CCSER1: variants seen among roughly 807,000 people sequenced by gnomAD.
The protein encoded by CCSER1 is coiled-coil serine rich protein 1.
In CCSER1, 41 loss-of-function variants were observed where a neutral mutation model predicts 82.0. That is an observed-to-expected ratio of 0.50 (90% CI 0.39 to 0.65). The LOEUF (loss-of-function observed/expected upper bound fraction) is 0.65. Ranked by LOEUF, CCSER1 falls within the 30% of genes least tolerant of loss-of-function variation. The pLI is 0.00. For synonymous variants in CCSER1, 414 were observed against 383.9 expected (o/e 1.08, Z -0.92); for missense variants, 1,119 against 1,064.2 (o/e 1.05, Z -0.72).
chr4:91,185,919 G>A (rs535003643), intron 10 of CCSER1, among the ~76,000 whole-genome samples: 128 of 152,232 alleles, frequency 8.4e-4, no homozygotes, highest in African/African-American at 3.1e-3. Context: ...ACCATCACAG[G>A]CCTTGATATA....
chr4:91,264,335 G>T (rs1334851827), intron 10 of CCSER1, among the ~76,000 whole-genome samples: 1 of 151,782 alleles, frequency 6.6e-6, no homozygotes, highest in Admixed American at 6.6e-5. Flanking sequence ...CATGGTTGTA[G>T]TTAGTATTAG....
At chr4:90,879,395 C>G (rs1468050236) in intron 8 of CCSER1, among the ~76,000 whole-genome samples, 1 of 151,866 alleles carries the variant, frequency 6.6e-6, no homozygotes, top group Admixed American at 6.6e-5. Flanking sequence ...TAGCCAAATT[C>G]CAAATTCTAT....
intron 10 of CCSER1, among the ~76,000 whole-genome samples, chr4:91,261,549 C>T (rs1019237846): frequency 3.3e-5 from 5 of 152,112 alleles, no homozygotes; most frequent in African/African-American, 9.7e-5. Context: ...CTTGTGAACT[C>T]GAGCAAACTA....
At chr4:91,232,353 CAAA>C (rs1233043443) in intron 10 of CCSER1, among the ~76,000 whole-genome samples, 1 of 151,684 alleles carries the variant, frequency 6.6e-6, no homozygotes, top group Non-Finnish European at 1.5e-5. Flanking sequence ...ACTTTTTCAA[CAAA>C]TTGTGTTTAT....
chr4:90,966,725 C>A (rs1192031259), intron 9 of CCSER1, among the ~76,000 whole-genome samples: 1 of 152,082 alleles, frequency 6.6e-6, no homozygotes, highest in East Asian at 1.9e-4. Context: ...TTACTCTTAT[C>A]TGATATCAAA....
At chr4:91,321,352 G>C (rs567465318) in intron 10 of CCSER1, among the ~76,000 whole-genome samples, 1 of 151,960 alleles carries the variant, frequency 6.6e-6, no homozygotes, top group African/African-American at 2.4e-5. Context: ...TAGCTTGAGC[G>C]GCCAAAATTT....
At chr4:91,327,821 T>C (rs1466632282) in intron 10 of CCSER1, among the ~76,000 whole-genome samples, 2 of 152,194 alleles carry the variant, frequency 1.3e-5, no homozygotes, top group African/African-American at 2.4e-5. Context: ...TCCTTTGAGA[T>C]TTGTTCCAGC....
chr4:90,554,795 T>C (rs1378374194), intron 5 of CCSER1, among the ~76,000 whole-genome samples: 1 of 152,200 alleles, frequency 6.6e-6, no homozygotes, highest in Non-Finnish European at 1.5e-5. Flanking sequence ...TACCTCGTTT[T>C]TAAGGGAGAT....
chr4:91,028,361 T>C (rs901030328), intron 9 of CCSER1, among the ~76,000 whole-genome samples: 4 of 152,116 alleles, frequency 2.6e-5, no homozygotes, highest in Middle Eastern at 3.4e-3. Context: ...GATCAAATCA[T>C]ATGTTCATGT....
intron 9 of CCSER1, among the ~76,000 whole-genome samples, chr4:91,052,666 C>T (rs569230725): frequency 4.1e-4 from 63 of 152,178 alleles, no homozygotes; most frequent in African/African-American, 1.5e-3. Context: ...ACCTGTATCT[C>T]TATCTGTCTG....
intron 5 of CCSER1, among the ~76,000 whole-genome samples, chr4:90,486,526 G>T (rs115234932): frequency 3.0e-3 from 452 of 152,236 alleles, no homozygotes; most frequent in African/African-American, 0.011. Flanking sequence ...TCTGTTTTGG[G>T]ATCAGCAATG....
intron 8 of CCSER1, among the ~76,000 whole-genome samples, chr4:90,835,155 C>T (rs1320002226): frequency 1.3e-5 from 2 of 151,860 alleles, no homozygotes; most frequent in East Asian, 1.9e-4. Flanking sequence ...CACGGTGAAA[C>T]GCCGTCTCTA....
intron 1 of CCSER1, among the ~76,000 whole-genome samples, chr4:90,182,025 C>G (rs1733820180): frequency 6.6e-6 from 1 of 152,012 alleles, no homozygotes; most frequent in South Asian, 2.1e-4. Flanking sequence ...AGGCTGTGGG[C>G]ACAGTTAATT....
At chr4:90,350,966 G>GT (rs970885288) in intron 3 of CCSER1, among the ~76,000 whole-genome samples, 5 of 151,940 alleles carry the variant, frequency 3.3e-5, no homozygotes, top group Non-Finnish European at 7.4e-5. Flanking sequence ...AATATCAGTG[G>GT]TTTTTTTGAA....
At chr4:91,297,056 C>A (rs1397570393) in intron 10 of CCSER1, among the ~76,000 whole-genome samples, 1 of 151,424 alleles carries the variant, frequency 6.6e-6, no homozygotes, top group Non-Finnish European at 1.5e-5. Flanking sequence ...GTATCCCAGG[C>A]AGAAGACAAA....
At chr4:91,186,585 A>G (rs1359284098) in intron 10 of CCSER1, among the ~76,000 whole-genome samples, 1 of 152,192 alleles carries the variant, frequency 6.6e-6, no homozygotes, top group South Asian at 2.1e-4. Flanking sequence ...ACACACAGAA[A>G]TATAGAGGTG....
intron 3 of CCSER1, among the ~76,000 whole-genome samples, chr4:90,320,967 T>A (rs930761514): frequency 6.6e-6 from 1 of 152,094 alleles, no homozygotes; most frequent in South Asian, 2.1e-4. Flanking sequence ...GGGGTACATG[T>A]GATATTTTGA....
intron 10 of CCSER1, among the ~76,000 whole-genome samples, chr4:91,406,458 A>G (rs1318231263): frequency 6.6e-6 from 1 of 152,082 alleles, no homozygotes; most frequent in Non-Finnish European, 1.5e-5. Context: ...CATCTTGCCA[A>G]TTGTGTCAAT....
chr4:91,408,986 G>A (rs1752868885), intron 10 of CCSER1, among the ~76,000 whole-genome samples: 1 of 151,968 alleles, frequency 6.6e-6, no homozygotes, highest in Admixed American at 6.6e-5. Context: ...TCTTTTCTTG[G>A]CACCTTATTT....
Sources: allele counts gnomAD v4.1 joint callset (sites outside exome capture counted in the v4.1 genomes callset), GRCh38; gene constraint gnomAD v4.1.1; transcripts MANE v1.5; gene names NCBI Gene and HGNC (gene_info 2026-07-23, HGNC 2026-07-21).